The following BCAS3 variants were observed in gnomAD, a reference collection of about 807,000 sequenced individuals.
BCAS3 encodes BCAS4/BCAS3 fusion.
A neutral mutation model predicts 116.1 loss-of-function variants in BCAS3; 53 were observed. The observed-to-expected ratio is 0.46, with a 90% CI of 0.37 to 0.57. The LOEUF (loss-of-function observed/expected upper bound fraction) is 0.57, where lower values mean the gene tolerates loss of function less well. Ranked by LOEUF, BCAS3 falls within the 20% of genes least tolerant of loss-of-function variation. The pLI, the probability that BCAS3 is intolerant of heterozygous loss-of-function variation, is 0.00. For missense variants in BCAS3, 917 were observed against 1,165.4 expected (o/e 0.79, Z 3.10); for synonymous variants, 391 against 408.2 (o/e 0.96, Z 0.51).
intron 22 of BCAS3, among the ~76,000 whole-genome samples, chr17:61,165,436 G>A (rs577098186): frequency 6.6e-6 from 1 of 152,246 alleles, no homozygotes; most frequent in Non-Finnish European, 1.5e-5. Context: ...AGTGGCTCAC[G>A]CCTATAATCC....
intron 7 of BCAS3, 100 bp downstream of exon 7, chr17:60,808,176 A>G (rs2048458898): frequency 3.8e-6 from 3 of 790,336 alleles, no homozygotes; most frequent in South Asian, 3.5e-5. Context: ...CCATAAGACT[A>G]AGCTCTCATA....
intron 22 of BCAS3, among the ~76,000 whole-genome samples, chr17:61,267,861 T>G (rs1009033381): frequency 6.6e-6 from 1 of 152,064 alleles, no homozygotes; most frequent in Non-Finnish European, 1.5e-5. Flanking sequence ...GACTCTGCCC[T>G]CCTTTGTTTT....
intron 11 of BCAS3, among the ~76,000 whole-genome samples, chr17:60,904,573 T>A (rs2058089912): frequency 6.6e-6 from 1 of 152,196 alleles, no homozygotes; most frequent in Non-Finnish European, 1.5e-5. Flanking sequence ...GCCTCGTGCC[T>A]GTAATACCAG....
At chr17:60,817,855 A>T (rs2049572047) in intron 7 of BCAS3, among the ~76,000 whole-genome samples, 1 of 143,360 alleles carries the variant, frequency 7.0e-6, no homozygotes. Flanking sequence ...AAGCAAAATA[A>T]TTTTTTTTTT....
Position 61,056,014 on chromosome 17 carries a change from C to A in BCAS3, c.2029+15122C>A, listed in dbSNP as rs1387802755. Among the ~76,000 whole-genome samples, 1 of 152,284 alleles carries A rather than the reference C, an allele frequency of 6.6e-6. No homozygotes were observed. Among genetic ancestry groups the A allele is most frequent in the Admixed American group, 6.5e-5 (1 of 15,294 alleles). ...GTGCTCAAAACCTGTCTTCTTCTAG[C>A]CCTCTGTTCTGCCCAAACTGGTAGT... is the stretch of plus-strand genomic sequence containing the variant. On this transcript the variant is annotated intron_variant, in intron 19 of 23. Coordinates refer to ENST00000407086, the MANE Select transcript of BCAS3 (RefSeq NM_017679.5). The surrounding 1 kb of genome is among the most constrained non-coding windows in gnomAD (Gnocchi z 4.9).
intron 7 of BCAS3, among the ~76,000 whole-genome samples, chr17:60,867,794 TCCATA>T (rs1183533452): frequency 6.6e-6 from 1 of 152,180 alleles, no homozygotes; most frequent in Non-Finnish European, 1.5e-5. Context: ...CACAAGACCT[TCCATA>T]CTGTGTTGAA....
intron 16 of BCAS3, among the ~76,000 whole-genome samples, chr17:61,033,679 A>C (rs796828191): frequency 5.3e-5 from 8 of 152,288 alleles, no homozygotes; most frequent in African/African-American, 1.9e-4. Context: ...ATTGTTTCCT[A>C]CCTTGGCTGT....
chr17:60,869,164 G>C (rs1325293423), intron 8 of BCAS3, among the ~76,000 whole-genome samples: 1 of 152,168 alleles, frequency 6.6e-6, no homozygotes, highest in Admixed American at 6.5e-5. Flanking sequence ...ATAGGGACTA[G>C]ACTAATTTGT....
At chr17:61,146,176 G>A (rs528619622) in intron 22 of BCAS3, among the ~76,000 whole-genome samples, 3 of 149,752 alleles carry the variant, frequency 2.0e-5, no homozygotes, top group African/African-American at 7.4e-5. Flanking sequence ...ATGTGATCAC[G>A]GCTCACTGCA....
chr17:60,723,329 A>G (rs371018975), intron 5 of BCAS3, among the ~76,000 whole-genome samples: 1 of 151,968 alleles, frequency 6.6e-6, no homozygotes, highest in African/African-American at 2.4e-5. Context: ...AGTTCAAGCA[A>G]TTCTTCTGCC....
chr17:60,855,672 T>C (rs578058519), intron 7 of BCAS3, among the ~76,000 whole-genome samples: 1 of 151,782 alleles, frequency 6.6e-6, no homozygotes, highest in African/African-American at 2.4e-5. Context: ...TATCTCATAG[T>C]GATTTTGTAT....
intron 22 of BCAS3, among the ~76,000 whole-genome samples, chr17:61,096,389 A>C (rs1330500738): frequency 1.3e-5 from 2 of 148,648 alleles, no homozygotes; most frequent in Non-Finnish European, 3.0e-5. Flanking sequence ...TCGTCTCTAC[A>C]AAAAAAAAAA....
Position 61,388,827 on chromosome 17 carries a change from A to G in BCAS3, c.2594-3150A>G. 1.0e-6 allele frequency: 1 copy of G among 1,004,128 alleles called. No homozygotes were observed. Among genetic ancestry groups the G allele is most frequent in the Non-Finnish European group, 1.4e-6 (1 of 691,906 alleles). The allele number at this position is 1,004,128 out of a possible 1,614,324, so 62.2% of individuals were successfully genotyped here. A position where few individuals can be genotyped will look rare whatever the true frequency, so the allele number is the denominator to read the frequency against. Reference sequence around the variant, plus strand: ...ACTTCCCACACACACCCCTGCCTGCAGGGGGAGGAGCAGAAGGGGTCTGAG... The same window carrying G: ...ACTTCCCACACACACCCCTGCCTGCGGGGGGAGGAGCAGAAGGGGTCTGAG... On this transcript the variant is annotated intron_variant, in intron 23 of 23. Coordinates refer to ENST00000407086, the MANE Select transcript of BCAS3 (RefSeq NM_017679.5). The surrounding 1 kb of genome is among the most constrained non-coding windows in gnomAD (Gnocchi z 6.5).
intron 22 of BCAS3, among the ~76,000 whole-genome samples, chr17:61,090,176 A>G (rs2073434667): frequency 6.6e-6 from 1 of 152,198 alleles, no homozygotes; most frequent in African/African-American, 2.4e-5. Context: ...CTTTTGTGGA[A>G]GGGGTGTGTT....
intron 7 of BCAS3, among the ~76,000 whole-genome samples, chr17:60,818,927 G>A (rs2049685896): frequency 1.3e-5 from 2 of 152,006 alleles, no homozygotes; most frequent in African/African-American, 4.8e-5. Context: ...ATGATCTATG[G>A]GGCTCTGGGC....
chr17:61,296,145 A>G (rs1325209346), intron 22 of BCAS3, among the ~76,000 whole-genome samples: 1 of 152,208 alleles, frequency 6.6e-6, no homozygotes, highest in Non-Finnish European at 1.5e-5. Context: ...CATAGAATGT[A>G]AATGTGTATC....
chr17:60,695,923 C>T (rs1050691227), intron 4 of BCAS3, among the ~76,000 whole-genome samples: 1 of 152,088 alleles, frequency 6.6e-6, no homozygotes, highest in Admixed American at 6.6e-5. Context: ...AAATAATCTA[C>T]TCATGGATCT....
rs371687121 is a variant in BCAS3 at position 61,359,284 on chromosome 17, A to G, written c.2426-9043A>G. ...TTTGAATGGGCCTGTGTAGCTTACAAAGCACTTGTCAAAAGACAAAATTAT... is the reference window on the plus strand; with the variant it reads ...TTTGAATGGGCCTGTGTAGCTTACAGAGCACTTGTCAAAAGACAAAATTAT... On this transcript the variant is annotated intron_variant, in intron 22 of 23. Coordinates refer to ENST00000407086, the MANE Select transcript of BCAS3 (RefSeq NM_017679.5). Among the ~76,000 whole-genome samples the G allele has an allele frequency of 2.6e-5, 4 of 152,264 alleles. No homozygotes were observed. The South Asian group carries it at 8.3e-4, about 32-fold the overall frequency.
intron 22 of BCAS3, among the ~76,000 whole-genome samples, chr17:61,275,480 G>A (rs867231467): frequency 4.6e-5 from 7 of 152,088 alleles, no homozygotes; most frequent in Non-Finnish European, 8.8e-5. Flanking sequence ...AGTGTTTAGC[G>A]GCAGAGAGAA....
Sources: gnomAD v4.1 joint callset for allele counts (sites outside exome capture counted in the v4.1 genomes callset) on GRCh38, gnomAD v4.1.1 for gene constraint, Gnocchi (gnomAD v3.1) non-coding constraint, MANE v1.5 for transcripts, NCBI Gene and HGNC (gene_info 2026-07-23, HGNC 2026-07-21) for gene names.